Variants in OSBPL10 observed in about 807,000 individuals in gnomAD.
The protein encoded by OSBPL10 is oxysterol binding protein like 10, also known as oxysterol-binding protein-related protein 10.
In OSBPL10, 49 loss-of-function variants were observed where a neutral mutation model predicts 81.7. The observed-to-expected ratio is 0.60, with a 90% CI of 0.48 to 0.76. The LOEUF (loss-of-function observed/expected upper bound fraction) is 0.76. Ranked by LOEUF, OSBPL10 falls within the 30% of genes least tolerant of loss-of-function variation. The pLI, the probability that OSBPL10 is intolerant of heterozygous loss-of-function variation, is 0.00. For missense variants in OSBPL10, 923 were observed against 987.8 expected (o/e 0.93, Z 0.88); for synonymous variants, 419 against 383.6 (o/e 1.09, Z -1.08).
chr3:31,697,084 C>G (rs1196123790), intron 7 of OSBPL10, among the ~76,000 whole-genome samples: 2 of 152,200 alleles, frequency 1.3e-5, no homozygotes, highest in African/African-American at 2.4e-5. Flanking sequence ...GAATCTGTGA[C>G]TTACTTTAAT....
chr3:31,789,541 C>T (rs143204867), intron 4 of OSBPL10, among the ~76,000 whole-genome samples: 10 of 152,326 alleles, frequency 6.6e-5, no homozygotes, highest in African/African-American at 2.4e-4. Flanking sequence ...ACTCAGAACT[C>T]GGCATGTGCC....
intron 3 of OSBPL10, among the ~76,000 whole-genome samples, chr3:31,841,391 A>G (rs1255800993): frequency 6.6e-6 from 1 of 152,272 alleles, no homozygotes; most frequent in Admixed American, 6.5e-5. Flanking sequence ...AGATCTCTCC[A>G]TTTTTACCAA....
At chr3:31,872,749 G>A (rs1258300795) in intron 3 of OSBPL10, among the ~76,000 whole-genome samples, 1 of 151,398 alleles carries the variant, frequency 6.6e-6, no homozygotes, top group Non-Finnish European at 1.5e-5. Context: ...AGTCTCCTGA[G>A]AAGCTGAGAC....
intron 1 of OSBPL10, among the ~76,000 whole-genome samples, chr3:31,965,459 T>TATATATTATATAATATATAATATATG (rs71068019): frequency 2.9e-5 from 2 of 69,948 alleles, no homozygotes; most frequent in Non-Finnish European, 4.8e-5. Context: ...TAATATATAA[T>TATATATTATATAATATATAATATATG]TTATATAATA....
At chr3:31,773,000 CTTT>C (rs60001546) in intron 4 of OSBPL10, among the ~76,000 whole-genome samples, 4 of 138,048 alleles carry the variant, frequency 2.9e-5, no homozygotes, top group African/African-American at 5.2e-5. Flanking sequence ...CGTGACCAAA[CTTT>C]TTTTTTTTTT....
intron 2 of OSBPL10, among the ~76,000 whole-genome samples, chr3:31,998,492 A>G (rs1297327232): frequency 6.6e-6 from 1 of 152,178 alleles, no homozygotes; most frequent in African/African-American, 2.4e-5. Context: ...CTTCACAACT[A>G]CTGTATATTA....
intron 3 of OSBPL10, among the ~76,000 whole-genome samples, chr3:31,863,998 T>A (rs1395682988): frequency 6.6e-6 from 1 of 152,168 alleles, no homozygotes; most frequent in African/African-American, 2.4e-5. Flanking sequence ...ATTTGCTGAG[T>A]ATTGAACATG....
chr3:31,730,345 C>T (rs1410738693), intron 6 of OSBPL10, among the ~76,000 whole-genome samples: 2 of 149,522 alleles, frequency 1.3e-5, no homozygotes, highest in Admixed American at 1.3e-4. Flanking sequence ...AAAAAATCTC[C>T]AAAAAAAGGG....
rs114470219 is a variant in OSBPL10, at chr3:31,683,413, C to T, written c.1726+221G>A. 4.3e-3 allele frequency among the ~76,000 whole-genome samples: 653 copies of T among 152,226 alleles called. 2 individuals carry two copies. Among genetic ancestry groups the T allele is most frequent in the African/African-American group, 0.015 (631 of 41,526 alleles). On this transcript the variant is annotated intron_variant, in intron 8 of 11. Transcript: ENST00000396556. ...GTCCAGGTGGGAAGGTCCAGGTGGG[C>T]GGCTGTCAGGCAGATAGTCCGTTAC...
At chr3:31,682,327 T>C (rs1700672308) in intron 8 of OSBPL10, among the ~76,000 whole-genome samples, 1 of 152,192 alleles carries the variant, frequency 6.6e-6, no homozygotes, top group Non-Finnish European at 1.5e-5. Flanking sequence ...GCTCCCTCAC[T>C]GTAAGAGCCA....
intron 1 of OSBPL10, among the ~76,000 whole-genome samples, chr3:31,893,934 T>C (rs1466367957): frequency 2.0e-5 from 3 of 152,210 alleles, no homozygotes; most frequent in Non-Finnish European, 4.4e-5. Context: ...AACTGAATTG[T>C]GGTGATAGTT....
intron 1 of OSBPL10, among the ~76,000 whole-genome samples, chr3:31,901,193 T>C (rs1274880805): frequency 1.3e-5 from 2 of 152,216 alleles, no homozygotes; most frequent in Middle Eastern, 3.2e-3. Flanking sequence ...CTCACTCACT[T>C]CTAATCATCT....
intron 4 of OSBPL10, among the ~76,000 whole-genome samples, chr3:31,798,452 T>G (rs1355086687): frequency 6.6e-6 from 1 of 150,596 alleles, no homozygotes; most frequent in East Asian, 1.9e-4. Flanking sequence ...AAAACCAAAA[T>G]GCATGTGGAG....
chr3:31,702,451 T>C lies in OSBPL10; in HGVS notation c.1153A>G (p.Lys385Glu). ...SEDEKSDNED[K>E]EETELGVMED... ...ATGACGCCCAATTCCGTCTCTTCCT[T>C]ATCTTCATTGTCACTTTTTTCATCT... The change falls in exon 7 of 12, where the codon AAG (lysine) becomes GAG (glutamate). Residue 385 changes from lysine (K) to glutamate (E), a missense_variant. Lys to Glu is a moderately conservative substitution (Grantham distance 56). Transcript: ENST00000396556. 6 of 1,614,212 alleles carry C rather than the reference T, an allele frequency of 3.7e-6. No homozygotes were observed. Among genetic ancestry groups the C allele is most frequent in the Non-Finnish European group, 5.1e-6 (6 of 1,180,022 alleles).
chr3:31,898,950 CCTTTTTT>C (rs1266237373), intron 1 of OSBPL10, among the ~76,000 whole-genome samples: 10 of 111,314 alleles, frequency 9.0e-5, no homozygotes, highest in African/African-American at 3.0e-4. Context: ...TAACTTTAAA[CCTTTTTT>C]TTTTTTTTTT....
chr3:31,933,634 T>C (rs1349359927), intron 1 of OSBPL10, among the ~76,000 whole-genome samples: 2 of 152,056 alleles, frequency 1.3e-5, no homozygotes, highest in Non-Finnish European at 2.9e-5. Context: ...GGTCTTCAAC[T>C]CCTGAGCTCA....
At chr3:31,888,802 T>C (rs1430732890) in intron 1 of OSBPL10, among the ~76,000 whole-genome samples, 1 of 152,150 alleles carries the variant, frequency 6.6e-6, no homozygotes, top group Admixed American at 6.5e-5. Flanking sequence ...TGCATGCCTA[T>C]AATCCCAGCT....
At chr3:32,010,826 A>G (rs1387225202) in intron 2 of OSBPL10, among the ~76,000 whole-genome samples, 3 of 152,206 alleles carry the variant, frequency 2.0e-5, no homozygotes, top group Non-Finnish European at 2.9e-5. Context: ...TCCTGTGCCC[A>G]TGGAGCCTCA....
chr3:31,969,809 C>T (rs1436935753), intron 1 of OSBPL10, among the ~76,000 whole-genome samples: 2 of 151,466 alleles, frequency 1.3e-5, no homozygotes, highest in Admixed American at 1.3e-4. Flanking sequence ...GAGCCGAGAT[C>T]GCACCACTGC....
Sources: gnomAD v4.1 joint callset for allele counts (sites outside exome capture counted in the v4.1 genomes callset) on GRCh38, gnomAD v4.1.1 for gene constraint, MANE v1.5 for transcripts, NCBI Gene and HGNC (gene_info 2026-07-23, HGNC 2026-07-21) for gene names.